ADGRA2: variants seen among roughly 807,000 people sequenced by gnomAD.
ADGRA2 encodes G-protein coupled receptor 124.
In ADGRA2, 61 loss-of-function variants were observed where a neutral mutation model predicts 98.7. The ratio of observed to expected loss-of-function variants is 0.62; its 90% CI spans 0.50 to 0.76. The LOEUF is 0.76. ADGRA2 is among the 30% of genes least tolerant of loss of function. The pLI is 0.00. For synonymous variants in ADGRA2, 858 were observed against 831.5 expected (o/e 1.03, Z -0.55); for missense variants, 1,712 against 1,860.0 (o/e 0.92, Z 1.46).
Position 37,797,119 on chromosome 8 carries a change from G to A in ADGRA2, c.-150G>A, listed in dbSNP as rs1178925194. The A allele has an allele frequency of 2.3e-6, 1 of 441,424 alleles. No homozygotes were observed. Among genetic ancestry groups the A allele is most frequent in the Non-Finnish European group, 3.3e-6 (1 of 299,740 alleles). The allele number at this position is 441,424 out of a possible 1,614,324, so 27.3% of individuals were successfully genotyped here. ...ACATGCCCCCGGGGCGCGGCGGCGG[G>A]GACCCCGGGGCTCGCCTCCGCCCAG... is the stretch of plus-strand genomic sequence containing the variant. On this transcript the variant is annotated 5_prime_UTR_variant, in exon 1 of 19. Transcript: ENST00000412232. This position sits in a 1 kb window ranked among gnomAD's most constrained non-coding sequence, Gnocchi z 5.3.
At position 37,797,362 on chromosome 8, in the gene ADGRA2, C is replaced by A; in HGVS notation, c.94C>A (p.Arg32=). 7.1e-7 allele frequency: 1 copy of A among 1,417,194 alleles called. No homozygotes were observed. Among genetic ancestry groups the A allele is most frequent in the South Asian group, 1.5e-5 (1 of 67,352 alleles). The allele number at this position is 1,417,194 out of a possible 1,614,324, so 87.8% of individuals were successfully genotyped here. ...WLLLLLAPEA[R]GAPGCPLSIR... ...CCTGCTGCTCCTGGCGCCCGAGGCT[C>A]GGGGCGCGCCCGGCTGCCCGCTATC... is the stretch of plus-strand genomic sequence containing the variant. Residue 32 remains arginine (R), a synonymous_variant, in exon 1 of 19, where the codon CGG becomes AGG. Transcript: ENST00000412232. The surrounding 1 kb of genome is among the most constrained non-coding windows in gnomAD (Gnocchi z 5.3).
chr8:37,838,873 C>A, intron 14 of ADGRA2, 83 bp from the exon 15 acceptor site: 1 of 1,470,268 alleles, frequency 6.8e-7, no homozygotes, highest in Non-Finnish European at 9.1e-7. Context: ...CCAAGGCTGA[C>A]GGGGCCTGGG....
Position 37,814,701 on chromosome 8 carries a change from G to GA in ADGRA2, c.267-195_267-194insA, listed in dbSNP as rs1804928353. 6.6e-6 allele frequency among the ~76,000 whole-genome samples: 1 copy of GA among 152,218 alleles called. No homozygotes were observed. Among genetic ancestry groups the GA allele is most frequent in the Non-Finnish European group, 1.5e-5 (1 of 68,046 alleles). On this transcript the variant is annotated intron_variant, in intron 1 of 18. Transcript: ENST00000412232. The surrounding 1 kb of genome is among the most constrained non-coding windows in gnomAD (Gnocchi z 4.3). ...CTTGGAGGAGACTCAGGGCAGGAAG[G>GA]TCTGACGTGGGGCTGGGTGGACCGT...
rs188269073 is a variant in ADGRA2 at position 37,844,371 on chromosome 8, T to C, written c.*2016T>C. Reference sequence around the variant, plus strand: ...GGTCCAACTAATGGCAGAGCCCCTCTTGGTTCCTTCAAACAAGAAAAGCAA... The same window carrying C: ...GGTCCAACTAATGGCAGAGCCCCTCCTGGTTCCTTCAAACAAGAAAAGCAA... On this transcript the variant is annotated 3_prime_UTR_variant, in exon 19 of 19. Transcript: ENST00000412232. The C allele has an allele frequency of 8.0e-6, 11 of 1,372,150 alleles. No homozygotes were observed. The highest frequency in any genetic ancestry group is 2.3e-5 in the East Asian group (1 of 43,314). 85.0% of individuals were successfully genotyped at this position (1,372,150 alleles called of 1,614,324 possible).
chr8:37,820,650 G>A (rs1422632897), intron 2 of ADGRA2, among the ~76,000 whole-genome samples: 1 of 152,270 alleles, frequency 6.6e-6, no homozygotes, highest in Admixed American at 6.5e-5. Flanking sequence ...CAGTGGGAGG[G>A]TTGAGGCCCA....
intron 1 of ADGRA2, among the ~76,000 whole-genome samples, chr8:37,803,130 T>A (rs895055312): frequency 1.3e-5 from 2 of 152,202 alleles, no homozygotes; most frequent in Non-Finnish European, 2.9e-5. Context: ...GACCCTTCAA[T>A]GCGGGTCATG....
chr8:37,804,100 GACACACACACACACACACACACAC>G (rs60565183), intron 1 of ADGRA2, among the ~76,000 whole-genome samples: 10 of 107,104 alleles, frequency 9.3e-5, no homozygotes, highest in African/African-American at 2.2e-4. Context: ...CCCACGGTGA[GACACACACACACACACACACACAC>G]ACACACACAC....
In ADGRA2 at chr8:37,814,927, C is replaced by G; in HGVS notation, c.298C>G (p.Arg100Gly). 6.2e-7 allele frequency: 1 copy of G among 1,613,190 alleles called. No homozygotes were observed. Among genetic ancestry groups the G allele is most frequent in the Non-Finnish European group, 8.5e-7 (1 of 1,179,152 alleles). Residue 100 changes from arginine to glycine, a missense_variant, in exon 2 of 19, where the codon CGC (arginine) becomes GGC (glycine). Physicochemically the swap from Arg to Gly is moderately radical, Grantham distance 125. Transcript: ENST00000412232. The surrounding 1 kb of genome is among the most constrained non-coding windows in gnomAD (Gnocchi z 4.3). The stretch of plus-strand genomic sequence containing the variant: ...GAGCAATAACAAGATCACGGGGCTC[C>G]GCAATGGCTCCTTCCTGGGACTGTC... Reference protein sequence around the residue: ...LLSNNKITGLRNGSFLGLSLL... With the variant: ...LLSNNKITGLGNGSFLGLSLL...
chr8:37,833,618 G>T (rs1359981015), intron 9 of ADGRA2, 70 bp from the exon 10 acceptor site: 3 of 1,518,856 alleles, frequency 2.0e-6, no homozygotes, highest in Admixed American at 1.7e-5. Context: ...ACAGAGCAGA[G>T]GGTCCCCAGG....
In ADGRA2 at chr8:37,803,052, G is replaced by T. The variant is rs370923224; in HGVS notation, c.266+5518G>T. Among the ~76,000 whole-genome samples the T allele has an allele frequency of 9.8e-5, 15 of 152,288 alleles. No homozygotes were observed. The East Asian group carries it at 2.1e-3, about 22-fold the overall frequency. Reference sequence around the variant, plus strand: ...AGGGGGAGTGGCAACCCCTCGTCCTGGGGGGAGTGTGAGAATTTCCCCCAA... The same window carrying T: ...AGGGGGAGTGGCAACCCCTCGTCCTTGGGGGAGTGTGAGAATTTCCCCCAA... On this transcript the variant is annotated intron_variant, in intron 1 of 18. Coordinates refer to ENST00000412232, the MANE Select transcript of ADGRA2 (RefSeq NM_032777.10).
chr8:37,797,042 C>A lies in ADGRA2; in HGVS notation c.-227C>A. On this transcript the variant is annotated 5_prime_UTR_variant, in exon 1 of 19. Transcript: ENST00000412232. This position sits in a 1 kb window ranked among gnomAD's most constrained non-coding sequence, Gnocchi z 5.3. ...TCCGGCCGCGCAGCTGGGAGCTGCC[C>A]GCGCTGCGCTGACAGCCGCGCCGAC... 5.1e-6 allele frequency: 1 copy of A among 194,504 alleles called. No individual in the cohort carries two copies. The allele number at this position is 194,504 out of a possible 1,614,324, so 12.0% of individuals were successfully genotyped here.
intron 16 of ADGRA2, 99 bp from the exon 17 acceptor site, chr8:37,840,022 C>T (rs957441532): frequency 1.7e-5 from 20 of 1,155,882 alleles, no homozygotes; most frequent in African/African-American, 7.7e-5. Flanking sequence ...AGCTGGGGGC[C>T]GGAGGCTGGA....
chr8:37,813,357 CA>C (rs1322047190), intron 1 of ADGRA2, among the ~76,000 whole-genome samples: 7 of 152,284 alleles, frequency 4.6e-5, no homozygotes, highest in African/African-American at 1.7e-4. Flanking sequence ...TATGATTCAT[CA>C]CCAACACCCC....
intron 9 of ADGRA2, 22 bp downstream of exon 9, chr8:37,833,230 C>T (rs1484645168): frequency 1.9e-6 from 3 of 1,571,800 alleles, no homozygotes; most frequent in South Asian, 1.1e-5. Context: ...CTAGGGCACC[C>T]CACCAGCTCT....
chr8:37,833,047 T>A lies in ADGRA2; in HGVS notation c.1135T>A (p.Ser379Thr), dbSNP rs767706651. ...RTLAGITAYQ[S>T]CLQYPFTSVP... ...TCTGGCTGGCATCACAGCCTACCAG[T>A]CCTGCCTGCAGTATCCCTTCACCTC... The change falls in exon 9 of 19, where the codon TCC becomes ACC. Residue 379 changes from serine (S) to threonine (T), a missense_variant. Coordinates refer to ENST00000412232, the MANE Select transcript of ADGRA2 (RefSeq NM_032777.10). 1 of 1,613,482 alleles carries A rather than the reference T, an allele frequency of 6.2e-7. No homozygotes were observed. The highest frequency in any genetic ancestry group is 1.1e-5 in the South Asian group (1 of 91,054).
At position 37,842,563 on chromosome 8, in the gene ADGRA2, C is replaced by T; in HGVS notation, c.*208C>T. 1 of 843,516 alleles carries T rather than the reference C, an allele frequency of 1.2e-6. No individual in the cohort carries two copies. Among genetic ancestry groups the T allele is most frequent in the Non-Finnish European group, 1.6e-6 (1 of 612,680 alleles). The allele number at this position is 843,516 out of a possible 1,614,324, so 52.3% of individuals were successfully genotyped here. On this transcript the variant is annotated 3_prime_UTR_variant, in exon 19 of 19. Coordinates refer to ENST00000412232, the MANE Select transcript of ADGRA2 (RefSeq NM_032777.10). Reference sequence around the variant, plus strand: ...TCCCAGAAACACGCATAATACATTTCCGTCCAGCCCGGGGCAGTCTGACTG... The same window carrying T: ...TCCCAGAAACACGCATAATACATTTTCGTCCAGCCCGGGGCAGTCTGACTG...
At position 37,814,960 on chromosome 8, in the gene ADGRA2, G is replaced by C. The variant is rs943801193; in HGVS notation, c.331G>C (p.Glu111Gln). 5.6e-6 allele frequency: 9 copies of C among 1,610,136 alleles called. No homozygotes were observed. Among genetic ancestry groups the C allele is most frequent in the Non-Finnish European group, 7.7e-6 (9 of 1,176,448 alleles). Residue 111 changes from glutamate to glutamine, a missense_variant, in exon 2 of 19, where the codon GAG (glutamate) becomes CAG (glutamine). Coordinates refer to ENST00000412232, the MANE Select transcript of ADGRA2 (RefSeq NM_032777.10). The surrounding 1 kb of genome is among the most constrained non-coding windows in gnomAD (Gnocchi z 4.3). ...NGSFLGLSLL[E>Q]KLDLRNNIIS... is the part of the protein sequence containing the mutation. ...CTCCTTCCTGGGACTGTCACTGCTG[G>C]AGAAGCTGTAAGTGCTGGGGAAGGT...
rs1047405591 is a variant in ADGRA2, at chr8:37,830,575, T to C, written c.719-135T>C. 9 of 649,316 alleles carry C rather than the reference T, an allele frequency of 1.4e-5. No homozygotes were observed. The highest frequency in any genetic ancestry group is 2.4e-5 in the Non-Finnish European group (9 of 370,412). The allele number at this position is 649,316 out of a possible 1,614,324, so 40.2% of individuals were successfully genotyped here. A position where few individuals can be genotyped will look rare whatever the true frequency, so the allele number is the denominator to read the frequency against. On this transcript the variant is annotated intron_variant, in intron 6 of 18. Coordinates refer to ENST00000412232, the MANE Select transcript of ADGRA2 (RefSeq NM_032777.10). This position sits in a 1 kb window ranked among gnomAD's most constrained non-coding sequence, Gnocchi z 4.8. ...CCCTAGAGACTTTCTCTTGACCCCTTTTCCTTCCCAGCTGGAGCAGGCTGC... is the reference window on the plus strand; with the variant it reads ...CCCTAGAGACTTTCTCTTGACCCCTCTTCCTTCCCAGCTGGAGCAGGCTGC...
intron 1 of ADGRA2, among the ~76,000 whole-genome samples, chr8:37,806,258 G>A (rs1563337824): frequency 6.6e-6 from 1 of 152,208 alleles, no homozygotes; most frequent in African/African-American, 2.4e-5. Context: ...TGTTACACAA[G>A]GCTGAGTGCA....
Sources: gnomAD v4.1 joint callset for allele counts (sites outside exome capture counted in the v4.1 genomes callset) on GRCh38, gnomAD v4.1.1 for gene constraint, Gnocchi (gnomAD v3.1) non-coding constraint, MANE v1.5 for transcripts, NCBI Gene and HGNC (gene_info 2026-07-23, HGNC 2026-07-21) for gene names.